The following RASA1 variants were observed in gnomAD, a reference collection of about 807,000 sequenced individuals.
RASA1 encodes the protein ras GTPase-activating protein 1.
Under a neutral mutation model 132.2 loss-of-function variants are expected in RASA1, and 25 were observed. The ratio of observed to expected loss-of-function variants is 0.19; its 90% CI spans 0.14 to 0.26. RASA1 has a LOEUF of 0.26. RASA1 is among the 10% of genes least tolerant of loss of function. RASA1 has a pLI of 1.00. For missense variants in RASA1, 964 were observed against 1,299.2 expected (o/e 0.74, Z 3.97); for synonymous variants, 477 against 449.9 (o/e 1.06, Z -0.76).
intron 1 of RASA1, among the ~76,000 whole-genome samples, chr5:87,316,885 ATTT>A (rs769140137): frequency 7.0e-6 from 1 of 143,402 alleles, no homozygotes; most frequent in Non-Finnish European, 1.5e-5. Flanking sequence ...TGGATACCAC[ATTT>A]TTTTTTTTTT....
rs377722838 is a variant in RASA1 at position 87,374,147 on chromosome 5, AT to A, written c.1777-3del. 99,086 of 707,064 alleles carry A rather than the reference AT, an allele frequency of 0.14. 269 individuals are homozygous for A. The highest frequency in any genetic ancestry group is 0.19 in the East Asian group (4,038 of 21,672). The allele number at this position is 707,064 out of a possible 1,614,324, so 43.8% of individuals were successfully genotyped here. A position where few individuals can be genotyped will look rare whatever the true frequency, so the allele number is the denominator to read the frequency against. On this transcript the variant is annotated splice_polypyrimidine_tract_variant and intron_variant, in intron 13 of 24. Transcript: ENST00000274376. Reference sequence around the variant, plus strand: ...AATCTGGGGTAATATATATATATATATTTTTTTTTTTTTAGGTCAGCAGCCT... The same window carrying A: ...AATCTGGGGTAATATATATATATATATTTTTTTTTTTTAGGTCAGCAGCCT...
intron 1 of RASA1, among the ~76,000 whole-genome samples, chr5:87,313,880 T>A (rs1756112379): frequency 6.6e-6 from 1 of 152,070 alleles, no homozygotes; most frequent in Non-Finnish European, 1.5e-5. Flanking sequence ...TGAAAATGCA[T>A]GTTTGGGCCG....
In RASA1 at chr5:87,391,698, T is replaced by A. The variant is rs923648470; in HGVS notation, c.*815T>A. The A allele has an allele frequency of 2.6e-5, 6 of 232,926 alleles. No homozygotes were observed. The highest frequency in any genetic ancestry group is 4.2e-5 in the Non-Finnish European group (5 of 117,792). The allele number at this position is 232,926 out of a possible 1,614,324, so 14.4% of individuals were successfully genotyped here. A position where few individuals can be genotyped will look rare whatever the true frequency, so the allele number is the denominator to read the frequency against. On this transcript the variant is annotated 3_prime_UTR_variant, in exon 25 of 25. Transcript: ENST00000274376. Reference sequence around the variant, plus strand: ...CCAATTTCTTTTATGTTAACTAGAATGCTTTTGTTAAAAGTTATTTGTTCA... The same window carrying A: ...CCAATTTCTTTTATGTTAACTAGAAAGCTTTTGTTAAAAGTTATTTGTTCA...
intron 14 of RASA1, 49 bp from the exon 15 acceptor site, chr5:87,374,791 G>C: frequency 6.3e-7 from 1 of 1,598,030 alleles, no homozygotes; most frequent in Non-Finnish European, 8.5e-7. Context: ...AAATAAGGTA[G>C]TTTGATGCCA....
At position 87,273,620 on chromosome 5, in the gene RASA1, T is replaced by C. The variant is rs544686366; in HGVS notation, c.539+4630T>C. On this transcript the variant is annotated intron_variant, in intron 1 of 24. Coordinates refer to ENST00000274376, the MANE Select transcript of RASA1 (RefSeq NM_002890.3). ...GGTGAGAATCCAACCCACAGATATATACTGCTTGCCCTTAGAGTATTTGGA... is the reference window on the plus strand; with the variant it reads ...GGTGAGAATCCAACCCACAGATATACACTGCTTGCCCTTAGAGTATTTGGA... Among the ~76,000 whole-genome samples, 4 of 152,274 alleles carry C rather than the reference T, an allele frequency of 2.6e-5. No individual in the cohort carries two copies. The East Asian group carries it at 7.7e-4, about 29-fold the overall frequency.
intron 9 of RASA1, among the ~76,000 whole-genome samples, chr5:87,362,187 A>C (rs747251432): frequency 6.6e-6 from 1 of 152,238 alleles, no homozygotes; most frequent in Non-Finnish European, 1.5e-5. Flanking sequence ...CTTTATGCTT[A>C]CATTGGTTCC....
chr5:87,269,155 T>C, intron 1 of RASA1, 165 bp downstream of exon 1: 1 of 1,612,822 alleles, frequency 6.2e-7, no homozygotes, highest in Non-Finnish European at 8.5e-7. Flanking sequence ...CTTATCTTCC[T>C]TACAGGCATA....
intron 1 of RASA1, among the ~76,000 whole-genome samples, chr5:87,313,892 G>T (rs1756113736): frequency 6.6e-6 from 1 of 152,184 alleles, no homozygotes; most frequent in South Asian, 2.1e-4. Flanking sequence ...TTTGGGCCGG[G>T]CGTGGTGGCT....
chr5:87,337,326 G>GA (rs1227329462), intron 4 of RASA1, among the ~76,000 whole-genome samples: 2 of 151,546 alleles, frequency 1.3e-5, no homozygotes, highest in Non-Finnish European at 3.0e-5. Context: ...ATTGGTAACA[G>GA]AAAAAAAACA....
At chr5:87,353,036 G>A in intron 8 of RASA1, 121 bp from the exon 9 acceptor site, 1 of 698,448 alleles carries the variant, frequency 1.4e-6, no homozygotes, top group Non-Finnish European at 2.6e-6. Context: ...ATGTATTTGT[G>A]TTATGTGCTT....
intron 20 of RASA1, among the ~76,000 whole-genome samples, chr5:87,382,296 T>A (rs1246557828): frequency 6.6e-6 from 1 of 152,216 alleles, no homozygotes; most frequent in Non-Finnish European, 1.5e-5. Context: ...GTAACATCTT[T>A]ACTTTCTAAG....
At chr5:87,385,440 A>G (rs769055818) in intron 22 of RASA1, 51 bp downstream of exon 22, 1 of 1,350,914 alleles carries the variant, frequency 7.4e-7, no homozygotes, top group South Asian at 1.2e-5. Flanking sequence ...CAAGTTTGAC[A>G]TGATAAAACC....
intron 1 of RASA1, 179 bp downstream of exon 1, chr5:87,269,169 C>T (rs886901444): frequency 2.5e-6 from 4 of 1,611,014 alleles, no homozygotes; most frequent in East Asian, 2.2e-5. Context: ...AGGCATACTA[C>T]CTGGCGTCTT....
At chr5:87,365,237 T>A (rs3804232) in intron 11 of RASA1, among the ~76,000 whole-genome samples, 55,605 of 151,918 alleles carry the variant, frequency 0.37, 10,550 homozygotes, top group East Asian at 0.5. Context: ...GTAGAGATAT[T>A]TAACAAATGT....
chr5:87,351,567 C>T (rs752106882), intron 8 of RASA1, among the ~76,000 whole-genome samples: 1 of 151,600 alleles, frequency 6.6e-6, no homozygotes, highest in African/African-American at 2.4e-5. Context: ...TAGAAACTCA[C>T]GTTTATTTCA....
intron 2 of RASA1, 35 bp from the exon 3 acceptor site, chr5:87,332,471 GA>G (rs746630237): frequency 4.4e-5 from 70 of 1,573,392 alleles, no homozygotes; most frequent in Non-Finnish European, 5.8e-5. Flanking sequence ...TGGCTGTAAA[GA>G]TTTTTTTATA....
At chr5:87,354,099 ACATGGCTATAG>A (rs1759476162) in intron 9 of RASA1, among the ~76,000 whole-genome samples, 1 of 151,936 alleles carries the variant, frequency 6.6e-6, no homozygotes, top group African/African-American at 2.4e-5. Flanking sequence ...AATTCATTTC[ACATGGCTATAG>A]CTACTACTTA....
chr5:87,379,001 A>C (rs1483042771), intron 18 of RASA1, among the ~76,000 whole-genome samples: 1 of 152,196 alleles, frequency 6.6e-6, no homozygotes, highest in Admixed American at 6.6e-5. Context: ...ATAAATTCAT[A>C]ATACACTATT....
chr5:87,321,467 G>A (rs1756799678), intron 1 of RASA1, among the ~76,000 whole-genome samples: 1 of 152,158 alleles, frequency 6.6e-6, no homozygotes, highest in Admixed American at 6.5e-5. Context: ...TGCATCTCTG[G>A]AACTTCTACC....
Sources: gnomAD v4.1 joint callset for allele counts (sites outside exome capture counted in the v4.1 genomes callset) on GRCh38, gnomAD v4.1.1 for gene constraint, MANE v1.5 for transcripts, NCBI Gene and HGNC (gene_info 2026-07-23, HGNC 2026-07-21) for gene names.